ZNF804B: variants seen among roughly 807,000 people sequenced by gnomAD.
The protein encoded by ZNF804B is zinc finger protein 804B.
ZNF804B carries 80 observed loss-of-function variants against 101.4 expected under a neutral mutation model. That is an observed-to-expected ratio of 0.79 (90% CI 0.66 to 0.95). ZNF804B has a LOEUF of 0.95. Among genes scored for constraint, ZNF804B ranks in the 40% least tolerant of loss-of-function variants. The pLI, the probability that ZNF804B is intolerant of heterozygous loss-of-function variation, is 0.00. For missense variants in ZNF804B, 1,673 were observed against 1,561.9 expected, an observed-to-expected ratio of 1.07 and a Z score of -1.20; for synonymous variants, 622 against 558.8, an observed-to-expected ratio of 1.11 and a Z score of -1.59.
At position 88,816,739 on chromosome 7, in the gene ZNF804B, G is replaced by T. The variant is rs551095580; in HGVS notation, c.108+56655G>T. 9.0e-4 allele frequency among the ~76,000 whole-genome samples: 127 copies of T among 141,316 alleles called. 1 individual carries two copies. The highest frequency in any genetic ancestry group is 1.7e-4 in the Non-Finnish European group (11 of 65,786). 92.7% of individuals were successfully genotyped at this position (141,316 alleles called of 152,430 possible). On this transcript the variant is annotated intron_variant, in intron 1 of 3. Coordinates refer to ENST00000333190, the MANE Select transcript of ZNF804B (RefSeq NM_181646.5). ...ATTAAAAAGTCAGGAAACAACAGGTGCTGGAGAGGATGTGGAGAAATAGGA... is the reference window on the plus strand; with the variant it reads ...ATTAAAAAGTCAGGAAACAACAGGTTCTGGAGAGGATGTGGAGAAATAGGA...
chr7:89,320,050 G>A (rs1790794867), intron 2 of ZNF804B, among the ~76,000 whole-genome samples: 1 of 151,300 alleles, frequency 6.6e-6, no homozygotes, highest in Admixed American at 6.6e-5. Flanking sequence ...TTCAGAAATG[G>A]GGTGGGGGGC....
intron 2 of ZNF804B, among the ~76,000 whole-genome samples, chr7:89,280,921 A>G (rs924765141): frequency 3.3e-5 from 5 of 152,200 alleles, no homozygotes; most frequent in African/African-American, 1.2e-4. Flanking sequence ...AGTTTTTTTC[A>G]AGATGTTTAT....
At position 88,993,518 on chromosome 7, in the gene ZNF804B, G is replaced by T. The variant is rs1023116573; in HGVS notation, c.109-224637G>T. ...TACATAATTTAATGAACAGAAAAAA[G>T]GTCAATGACCCAAAAAGAATAGTTC... On this transcript the variant is annotated intron_variant, in intron 1 of 3. Coordinates refer to ENST00000333190, the MANE Select transcript of ZNF804B (RefSeq NM_181646.5). Among the ~76,000 whole-genome samples the T allele has an allele frequency of 1.1e-4, 17 of 151,794 alleles. 1 individual carries two copies. Among genetic ancestry groups the T allele is most frequent in the Middle Eastern group, 3.2e-3 (1 of 316 alleles).
intron 2 of ZNF804B, among the ~76,000 whole-genome samples, chr7:89,241,384 C>T (rs77542248): frequency 1.1e-3 from 160 of 152,174 alleles, no homozygotes; most frequent in African/African-American, 3.5e-3. Context: ...ACTACCTCTA[C>T]TCCCTGCCAG....
chr7:88,794,051 T>G (rs1281713663), intron 1 of ZNF804B: 1 of 665,308 alleles, frequency 1.5e-6, no homozygotes, highest in Non-Finnish European at 2.4e-6. Context: ...CTATAAAGAT[T>G]AATATATTAC....
chr7:88,923,641 G>A (rs1303188637), intron 1 of ZNF804B, among the ~76,000 whole-genome samples: 1 of 152,002 alleles, frequency 6.6e-6, no homozygotes, highest in Non-Finnish European at 1.5e-5. Flanking sequence ...TCTCTCAAAT[G>A]TGTTTTTCTT....
intron 1 of ZNF804B, among the ~76,000 whole-genome samples, chr7:88,803,700 A>G (rs1211008432): frequency 6.6e-6 from 1 of 152,142 alleles, no homozygotes; most frequent in Admixed American, 6.6e-5. Context: ...TAGTTTGTGT[A>G]GATTATCTTG....
At position 89,327,362 on chromosome 7, in the gene ZNF804B, C is replaced by T; in HGVS notation, c.268C>T (p.Gln90Ter). 2.5e-6 allele frequency: 4 copies of T among 1,605,392 alleles called. No individual in the cohort carries two copies. Among genetic ancestry groups the T allele is most frequent in the Non-Finnish European group, 3.4e-6 (4 of 1,176,704 alleles). ...AHKQRLKELK[Q>*]REFARNVASK... The stretch of plus-strand genomic sequence containing the variant: ...TTTCAAGAGACTGAAAGAATTAAAG[C>T]AACGGGAATTTGCTCGAAATGTAGC... The change falls in exon 3 of 4, where the codon CAA becomes TAA. Residue 90 changes from glutamine to a stop codon, truncating the protein, a stop_gained. Coordinates refer to ENST00000333190, the MANE Select transcript of ZNF804B (RefSeq NM_181646.5). LOFTEE classifies it high-confidence loss of function.
intron 1 of ZNF804B, among the ~76,000 whole-genome samples, chr7:88,890,837 A>C (rs1278005857): frequency 6.6e-6 from 1 of 152,090 alleles, no homozygotes; most frequent in Non-Finnish European, 1.5e-5. Context: ...TTTTTCACTT[A>C]TTCATAACAC....
intron 1 of ZNF804B, among the ~76,000 whole-genome samples, chr7:89,089,106 A>C (rs1481479151): frequency 7.0e-6 from 1 of 143,204 alleles, no homozygotes; most frequent in African/African-American, 2.6e-5. Context: ...AGTATAGCAT[A>C]CTAGCTTAAA....
chr7:89,073,906 A>G (rs955780667), intron 1 of ZNF804B, among the ~76,000 whole-genome samples: 4 of 152,214 alleles, frequency 2.6e-5, no homozygotes, highest in Non-Finnish European at 5.9e-5. Flanking sequence ...TTTTGAGATG[A>G]TCACATAATA....
At chr7:89,319,680 C>T (rs947453009) in intron 2 of ZNF804B, among the ~76,000 whole-genome samples, 1 of 152,122 alleles carries the variant, frequency 6.6e-6, no homozygotes, top group Non-Finnish European at 1.5e-5. Context: ...TAGAAGAATA[C>T]TGATAGAAAG....
chr7:89,094,274 T>G (rs1388509428), intron 1 of ZNF804B, among the ~76,000 whole-genome samples: 8 of 152,220 alleles, frequency 5.3e-5, no homozygotes, highest in Admixed American at 5.2e-4. Context: ...TTATCTCCCT[T>G]CTTCTGAATC....
chr7:88,851,681 G>A (rs76902742), intron 1 of ZNF804B, among the ~76,000 whole-genome samples: 2,037 of 152,154 alleles, frequency 0.013, 28 homozygotes, highest in Non-Finnish European at 0.022. Flanking sequence ...GGTTCTACAG[G>A]AAGAAATGAA....
chr7:89,112,313 G>A (rs149740809), intron 1 of ZNF804B, among the ~76,000 whole-genome samples: 1 of 152,186 alleles, frequency 6.6e-6, no homozygotes, highest in African/African-American at 2.4e-5. Context: ...AAAGGTCAGT[G>A]GCTAGGTTCA....
chr7:88,896,585 T>G (rs1792288005), intron 1 of ZNF804B, among the ~76,000 whole-genome samples: 1 of 152,204 alleles, frequency 6.6e-6, no homozygotes, highest in Non-Finnish European at 1.5e-5. Flanking sequence ...TATGTTGATA[T>G]GCCAATTATT....
chr7:89,055,488 C>T (rs2116272692), intron 1 of ZNF804B, among the ~76,000 whole-genome samples: 1 of 151,910 alleles, frequency 6.6e-6, no homozygotes, highest in South Asian at 2.1e-4. Context: ...TATTTGTGGG[C>T]CTAGCGCAAG....
intron 2 of ZNF804B, among the ~76,000 whole-genome samples, chr7:89,221,113 C>G (rs1282298162): frequency 6.6e-6 from 1 of 151,848 alleles, no homozygotes; most frequent in Admixed American, 6.6e-5. Flanking sequence ...GATTATTGAT[C>G]CATTTATCAT....
chr7:89,224,961 C>T (rs1234219616), intron 2 of ZNF804B, among the ~76,000 whole-genome samples: 1 of 152,044 alleles, frequency 6.6e-6, no homozygotes, highest in Non-Finnish European at 1.5e-5. Context: ...TGCATTCTGG[C>T]TCCTTCTGAC....
Sources: gnomAD v4.1 joint callset for allele counts (sites outside exome capture counted in the v4.1 genomes callset) on GRCh38, gnomAD v4.1.1 for gene constraint, MANE v1.5 for transcripts, NCBI Gene and HGNC (gene_info 2026-07-23, HGNC 2026-07-21) for gene names.